Variants in STK3 observed in about 807,000 individuals in gnomAD.
STK3 encodes the protein serine/threonine-protein kinase 3.
In STK3, 41 loss-of-function variants were observed where a neutral mutation model predicts 58.0. The ratio of observed to expected loss-of-function variants is 0.71; its 90% CI spans 0.55 to 0.92. STK3 has a LOEUF of 0.92. STK3 is among the 40% of genes least tolerant of loss of function. The probability of loss-of-function intolerance (pLI) is 0.00; values close to 1 mark genes in which losing one functional copy is unlikely to be tolerated. For synonymous variants in STK3, 170 were observed against 191.0 expected (o/e 0.89, Z 0.91); for missense variants, 479 against 602.7 (o/e 0.79, Z 2.15).
downstream of STK3, among the ~76,000 whole-genome samples, chr8:98,454,214 T>C (rs1278553194): frequency 1.3e-5 from 2 of 152,222 alleles, no homozygotes; most frequent in Non-Finnish European, 2.9e-5. Context: ...CAGCTTTTCC[T>C]GTTCTCTCCC....
intron 6 of STK3, among the ~76,000 whole-genome samples, chr8:98,644,140 A>T (rs1820225499): frequency 6.6e-6 from 1 of 152,224 alleles, no homozygotes; most frequent in South Asian, 2.1e-4. Context: ...CTTCTTTTAA[A>T]GCCAAGTTTT....
intron 6 of STK3, among the ~76,000 whole-genome samples, chr8:98,655,187 T>C (rs895167932): frequency 6.6e-6 from 1 of 152,056 alleles, no homozygotes; most frequent in Non-Finnish European, 1.5e-5. Flanking sequence ...GCCGCATACC[T>C]ACAACTATCT....
intron 1 of STK3, among the ~76,000 whole-genome samples, chr8:98,934,538 T>C (rs1258818818): frequency 6.6e-6 from 1 of 152,240 alleles, no homozygotes; most frequent in Non-Finnish European, 1.5e-5. Context: ...ATGCATATAG[T>C]GCTTAAAACC....
chr8:98,413,510 A>G (rs1818078555), intron 3 of STK3: 2 of 633,114 alleles, frequency 3.2e-6, no homozygotes, highest in Admixed American at 1.8e-5. Flanking sequence ...TTGTGACACT[A>G]GTGACACTTA....
At chr8:98,659,656 A>G (rs1167131489) in intron 6 of STK3, among the ~76,000 whole-genome samples, 1 of 152,002 alleles carries the variant, frequency 6.6e-6, no homozygotes, top group Non-Finnish European at 1.5e-5. Flanking sequence ...TATTAGCTAC[A>G]TTGTTGATAA....
At chr8:98,356,069 C>T in the STK3 span, among the ~76,000 whole-genome samples, 1 of 152,308 alleles carries the variant, frequency 6.6e-6, no homozygotes, top group Non-Finnish European at 1.5e-5. Context: ...GTGCTTGTTA[C>T]TGCAGCATGC....
chr8:98,868,666 T>G (rs1837236093), intron 3 of STK3, among the ~76,000 whole-genome samples: 1 of 152,182 alleles, frequency 6.6e-6, no homozygotes, highest in Admixed American at 6.5e-5. Context: ...CCTGTGAATG[T>G]GAACTTATTT....
At chr8:98,749,531 A>G in intron 3 of STK3, 141 bp from the exon 4 acceptor site, 1 of 454,540 alleles carries the variant, frequency 2.2e-6, no homozygotes, top group Non-Finnish European at 4.0e-6. Flanking sequence ...TCAAATTCTC[A>G]ATATCTGGAG....
At chr8:98,677,838 T>C (rs1275286651) in intron 6 of STK3, among the ~76,000 whole-genome samples, 2 of 152,172 alleles carry the variant, frequency 1.3e-5, no homozygotes, top group East Asian at 1.9e-4. Context: ...GTTTTTTACA[T>C]TTTATATGAA....
intron 6 of STK3, among the ~76,000 whole-genome samples, chr8:98,617,086 A>G (rs1312311410): frequency 6.6e-6 from 1 of 151,016 alleles, no homozygotes; most frequent in Non-Finnish European, 1.5e-5. Flanking sequence ...AGCAAATGTA[A>G]AAGAACAGAA....
chr8:98,765,489 C>T (rs1208553844), intron 3 of STK3, among the ~76,000 whole-genome samples: 3 of 152,050 alleles, frequency 2.0e-5, no homozygotes, highest in Non-Finnish European at 4.4e-5. Context: ...ATTACAGGGC[C>T]CTGAATTGAT....
intron 10 of STK3, among the ~76,000 whole-genome samples, chr8:98,477,690 C>G (rs934741972): frequency 7.0e-5 from 1 of 14,340 alleles, no homozygotes; most frequent in African/African-American, 3.0e-4. Flanking sequence ...CTCGCATAAT[C>G]ATCACACTTG....
At chr8:98,801,860 T>G (rs1464525959) in intron 1 of STK3, among the ~76,000 whole-genome samples, 1 of 152,190 alleles carries the variant, frequency 6.6e-6, no homozygotes, top group African/African-American at 2.4e-5. Flanking sequence ...ATCTCATTTT[T>G]GTTGTTTCCT....
intron 4 of STK3, among the ~76,000 whole-genome samples, chr8:98,710,128 CA>C (rs569489472): frequency 6.6e-6 from 1 of 151,576 alleles, no homozygotes; most frequent in African/African-American, 2.4e-5. Context: ...AAAGATTCCA[CA>C]AAAAAAACCT....
intron 3 of STK3, among the ~76,000 whole-genome samples, chr8:98,412,099 C>T (rs1339345142): frequency 6.6e-6 from 1 of 152,196 alleles, no homozygotes; most frequent in Non-Finnish European, 1.5e-5. Flanking sequence ...CCAAGTGCTT[C>T]TCATTATCCA....
intron 6 of STK3, among the ~76,000 whole-genome samples, chr8:98,676,335 T>G (rs1016731459): frequency 6.6e-6 from 1 of 152,046 alleles, no homozygotes; most frequent in Middle Eastern, 3.2e-3. Context: ...TTAAAAACAG[T>G]TAAATGGGGC....
At chr8:98,540,322 C>A (rs1203245657) in intron 9 of STK3, among the ~76,000 whole-genome samples, 1 of 152,120 alleles carries the variant, frequency 6.6e-6, no homozygotes, top group Non-Finnish European at 1.5e-5. Flanking sequence ...CAGAGATGCC[C>A]AAGCCCTGCT....
intron 6 of STK3, among the ~76,000 whole-genome samples, chr8:98,664,373 A>G (rs1259072841): frequency 6.6e-6 from 1 of 152,194 alleles, no homozygotes; most frequent in Non-Finnish European, 1.5e-5. Context: ...TCCAATGGCA[A>G]TCACAGTTCC....
intron 6 of STK3, among the ~76,000 whole-genome samples, chr8:98,609,966 CAAA>C (rs1183279988): frequency 9.5e-5 from 7 of 73,438 alleles, no homozygotes; most frequent in Admixed American, 3.1e-4. Context: ...GACTCCGTCT[CAAA>C]AAAAAAAAAA....
Sources: allele counts gnomAD v4.1 joint callset (sites outside exome capture counted in the v4.1 genomes callset), GRCh38; gene constraint gnomAD v4.1.1; transcripts MANE v1.5; gene names NCBI Gene and HGNC (gene_info 2026-07-23, HGNC 2026-07-21).